The following KHDRBS3 variants were observed in gnomAD, a reference collection of about 807,000 sequenced individuals.
KHDRBS3 encodes KH RNA binding domain containing, signal transduction associated 3.
KHDRBS3 carries 23 observed loss-of-function variants against 45.6 expected under a neutral mutation model. That is an observed-to-expected ratio of 0.50 (90% CI 0.36 to 0.72). The LOEUF (loss-of-function observed/expected upper bound fraction) is 0.72, where lower values mean the gene tolerates loss of function less well. Ranked by LOEUF, KHDRBS3 falls within the 30% of genes least tolerant of loss-of-function variation. The pLI, the probability that KHDRBS3 is intolerant of heterozygous loss-of-function variation, is 0.00. For synonymous variants in KHDRBS3, 162 were observed against 156.5 expected (o/e 1.04, Z -0.26); for missense variants, 352 against 424.8 (o/e 0.83, Z 1.51).
intron 6 of KHDRBS3, among the ~76,000 whole-genome samples, chr8:135,602,165 A>G (rs145971168): frequency 1.1e-3 from 172 of 152,308 alleles, no homozygotes; most frequent in Non-Finnish European, 2.0e-3. Flanking sequence ...AAAATAGTAG[A>G]TGTTCAACAA....
intron 1 of KHDRBS3, among the ~76,000 whole-genome samples, chr8:135,511,800 C>T (rs1472480093): frequency 5.3e-5 from 8 of 152,124 alleles, no homozygotes; most frequent in East Asian, 1.9e-4. Context: ...CCTCGTAATC[C>T]GCCCGTCTCG....
At chr8:135,591,580 C>T (rs1404384270) in intron 6 of KHDRBS3, among the ~76,000 whole-genome samples, 2 of 152,292 alleles carry the variant, frequency 1.3e-5, no homozygotes, top group Admixed American at 6.5e-5. Context: ...ATGGTGCCCT[C>T]ATCTGTACAT....
intron 6 of KHDRBS3, among the ~76,000 whole-genome samples, chr8:135,603,073 TAC>T (rs1829290021): frequency 6.6e-6 from 1 of 152,254 alleles, no homozygotes; most frequent in African/African-American, 2.4e-5. Context: ...CTAGCATTGA[TAC>T]ACCTGGGAAA....
At chr8:135,637,580 T>C (rs575628551) in intron 7 of KHDRBS3, among the ~76,000 whole-genome samples, 1 of 152,348 alleles carries the variant, frequency 6.6e-6, no homozygotes, top group South Asian at 2.1e-4. Flanking sequence ...ATGTGACTTC[T>C]AAAGGAATTT....
chr8:135,616,560 C>T (rs1472756744), intron 7 of KHDRBS3, among the ~76,000 whole-genome samples: 2 of 152,170 alleles, frequency 1.3e-5, no homozygotes, highest in Non-Finnish European at 2.9e-5. Flanking sequence ...GGGAGATGTA[C>T]TACATCATTT....
At chr8:135,460,142 A>G (rs1821358438) in intron 1 of KHDRBS3, among the ~76,000 whole-genome samples, 1 of 152,234 alleles carries the variant, frequency 6.6e-6, no homozygotes, top group Non-Finnish European at 1.5e-5. Context: ...TTTGATTTTA[A>G]ATCCAACCAT....
At chr8:135,627,998 A>G (rs1019308128) in intron 7 of KHDRBS3, among the ~76,000 whole-genome samples, 1 of 152,228 alleles carries the variant, frequency 6.6e-6, no homozygotes, top group East Asian at 1.9e-4. Flanking sequence ...GACAATGTCT[A>G]AACTTTATGC....
In KHDRBS3 at chr8:135,521,560, C is replaced by T. The variant is rs73712057; in HGVS notation, c.207+205C>T. ...GAGTTACAGATTCCTGAAAATATAT[C>T]CTTTTGAGTCAAACTAGCAGTGTGA... On this transcript the variant is annotated intron_variant, in intron 2 of 8. Transcript: ENST00000355849. Among the ~76,000 whole-genome samples, 1,345 of 152,216 alleles carry T rather than the reference C, an allele frequency of 8.8e-3. 15 individuals carry two copies. The highest frequency in any genetic ancestry group is 0.031 in the African/African-American group (1,291 of 41,538).
chr8:135,565,309 A>G (rs1827361216), intron 5 of KHDRBS3, among the ~76,000 whole-genome samples: 1 of 152,180 alleles, frequency 6.6e-6, no homozygotes, highest in African/African-American at 2.4e-5. Context: ...AGGAAGAAGA[A>G]GTGGGTGATT....
chr8:135,641,151 C>T (rs1831041421), intron 7 of KHDRBS3, among the ~76,000 whole-genome samples: 1 of 152,172 alleles, frequency 6.6e-6, no homozygotes, highest in Non-Finnish European at 1.5e-5. Context: ...TCTTCTTGTG[C>T]ATTAAAAAAC....
At chr8:135,531,672 G>A (rs140090022) in intron 2 of KHDRBS3, among the ~76,000 whole-genome samples, 20 of 152,254 alleles carry the variant, frequency 1.3e-4, no homozygotes, top group African/African-American at 4.6e-4. Flanking sequence ...GGACATGATG[G>A]AGAGTTATTT....
At chr8:135,466,161 T>C (rs1459065164) in intron 1 of KHDRBS3, among the ~76,000 whole-genome samples, 1 of 152,234 alleles carries the variant, frequency 6.6e-6, no homozygotes, top group African/African-American at 2.4e-5. Context: ...TTGGTATTTT[T>C]CATATTATTG....
rs1392630650 is a variant in KHDRBS3 at position 135,521,322 on chromosome 8, G to C, written c.174G>C (p.Gln58His). The C allele has an allele frequency of 6.2e-7, 1 of 1,612,224 alleles. No individual in the cohort carries two copies. The highest frequency in any genetic ancestry group is 8.5e-7 in the Non-Finnish European group (1 of 1,178,410). ...TTAATAAGAACATGAAGCTGGGACA[G>C]AAAGTGTTAATTCCCGTAAAACAGT... ...VVINKNMKLG[Q>H]KVLIPVKQFP... The change falls in exon 2 of 9, where the codon CAG becomes CAC. Residue 58 changes from glutamine (Q) to histidine (H), a missense_variant. Gln to His is a conservative substitution (Grantham distance 24). Coordinates refer to ENST00000355849, the MANE Select transcript of KHDRBS3 (RefSeq NM_006558.3).
intron 3 of KHDRBS3, among the ~76,000 whole-genome samples, chr8:135,548,272 G>A (rs896909944): frequency 6.6e-6 from 1 of 152,162 alleles, no homozygotes; most frequent in African/African-American, 2.4e-5. Context: ...TTTACTAAGA[G>A]AAGATAGAAA....
chr8:135,487,211 A>T (rs1822906557), intron 1 of KHDRBS3, among the ~76,000 whole-genome samples: 1 of 152,186 alleles, frequency 6.6e-6, no homozygotes, highest in Non-Finnish European at 1.5e-5. Flanking sequence ...AAGATATTTT[A>T]ACAGCTCAAT....
chr8:135,626,702 G>T, intron 7 of KHDRBS3, among the ~76,000 whole-genome samples: 1 of 151,728 alleles, frequency 6.6e-6, no homozygotes, highest in African/African-American at 2.4e-5. Context: ...TACTTGGGAG[G>T]CTGAGGCAGG....
chr8:135,514,694 GT>G (rs573146415), intron 1 of KHDRBS3, among the ~76,000 whole-genome samples: 8 of 151,954 alleles, frequency 5.3e-5, no homozygotes, highest in Non-Finnish European at 1.2e-4. Context: ...AAATTTTATG[GT>G]TTTTTTTAAT....
intron 1 of KHDRBS3, among the ~76,000 whole-genome samples, chr8:135,510,317 C>T (rs1824214314): frequency 6.6e-6 from 1 of 152,136 alleles, no homozygotes; most frequent in Non-Finnish European, 1.5e-5. Context: ...TGGGCAGCGT[C>T]AGAGCTCAAG....
intron 5 of KHDRBS3, among the ~76,000 whole-genome samples, chr8:135,560,402 T>C (rs1221800503): frequency 1.3e-5 from 2 of 152,092 alleles, no homozygotes. Context: ...TCACTTAAGA[T>C]TAAATTACTC....
Sources: gnomAD v4.1 joint callset for allele counts (sites outside exome capture counted in the v4.1 genomes callset) on GRCh38, gnomAD v4.1.1 for gene constraint, MANE v1.5 for transcripts, NCBI Gene and HGNC (gene_info 2026-07-23, HGNC 2026-07-21) for gene names.